PEX5: variants seen among roughly 807,000 people sequenced by gnomAD.
PEX5 encodes peroxisomal biogenesis factor 5.
Under a neutral mutation model 82.9 loss-of-function variants are expected in PEX5, and 52 were observed. The observed-to-expected ratio is 0.63, with a 90% CI of 0.50 to 0.79. The LOEUF (loss-of-function observed/expected upper bound fraction) is 0.79, where lower values mean the gene tolerates loss of function less well. Ranked by LOEUF, PEX5 falls within the 30% of genes least tolerant of loss-of-function variation. PEX5 has a pLI of 0.00. For missense variants in PEX5, 719 were observed against 815.2 expected (o/e 0.88, Z 1.44); for synonymous variants, 300 against 318.8 (o/e 0.94, Z 0.63).
Position 7,210,253 on chromosome 12 carries a change from A to C in PEX5, c.*30A>C, listed in dbSNP as rs778605817. On this transcript the variant is annotated 3_prime_UTR_variant, in exon 16 of 16. Coordinates refer to ENST00000675855, the MANE Select transcript of PEX5 (RefSeq NM_001351132.2). ...GGGACGGGCTGCCCTGTGAGTGTCC[A>C]CCTGGAGGGATCCCCGCTTTGGATG... The C allele has an allele frequency of 3.1e-6, 5 of 1,597,606 alleles. No individual in the cohort carries two copies. In the Admixed American group the frequency reaches 8.3e-5, roughly 27 times the overall value.
At chr12:7,205,676 C>A (rs1433615689) in intron 10 of PEX5, among the ~76,000 whole-genome samples, 1 of 152,152 alleles carries the variant, frequency 6.6e-6, no homozygotes, top group Non-Finnish European at 1.5e-5. Flanking sequence ...AGGGATCCCC[C>A]AGAGTACTCT....
rs1945500971 is a variant in PEX5 at position 7,210,970 on chromosome 12, CA to C, written c.*749del. Reference sequence around the variant, plus strand: ...GGGGAGGGACTAGATCAGAAGAGATCAAGGGCTCTATTCAGGAACGTTGGTG... The same window carrying C: ...GGGGAGGGACTAGATCAGAAGAGATCAGGGCTCTATTCAGGAACGTTGGTG... On this transcript the variant is annotated 3_prime_UTR_variant, in exon 16 of 16. Coordinates refer to ENST00000675855, the MANE Select transcript of PEX5 (RefSeq NM_001351132.2). The C allele has an allele frequency of 6.4e-6, 1 of 156,972 alleles. No homozygotes were observed. The highest frequency in any genetic ancestry group is 1.4e-5 in the Non-Finnish European group (1 of 70,604). 9.7% of individuals were successfully genotyped at this position (156,972 alleles called of 1,614,324 possible).
rs1057191 is a variant in PEX5, at chr12:7,208,549, C to A, written c.1274C>A (p.Thr425Asn). The change falls in exon 13 of 16, where the codon ACC (threonine) becomes AAC (asparagine). Residue 425 changes from threonine (T) to asparagine (N), a missense_variant. Thr to Asn is a moderately conservative substitution (Grantham distance 65). Transcript: ENST00000675855. ...NESLQRQACE[T>N]LRDWLRYTPA... ...TCCCTGCAGCGACAGGCCTGTGAAA[C>A]CCTACGAGACTGGCTGCGGTACACA... 6.2e-7 allele frequency: 1 copy of A among 1,614,134 alleles called. No individual in the cohort carries two copies. Among genetic ancestry groups the A allele is most frequent in the Non-Finnish European group, 8.5e-7 (1 of 1,179,980 alleles).
rs375272295 is a variant in PEX5 at position 7,209,857 on chromosome 12, A to G, written c.1718+17A>G. 5.9e-4 allele frequency: 949 copies of G among 1,613,962 alleles called. 2 individuals carry two copies. The highest frequency in any genetic ancestry group is 7.6e-4 in the Non-Finnish European group (897 of 1,179,940). On this transcript the variant is annotated intron_variant, in intron 15 of 15. Transcript: ENST00000675855. ...GGCTCACCGGTGAGAGTATCTATTG[A>G]GAAATGAATGAATGAGCTTTTTCTC...
rs2136263113 is a variant in PEX5 at position 7,210,047 on chromosome 12, G to T, written c.1744G>T (p.Ala582Ser). ...GGAGGCTGTGGAGCACTTTCTGGAG[G>T]CCCTGAACATGCAGAGGAAAAGCCG... The part of the protein sequence containing the change: ...HREAVEHFLE[A>S]LNMQRKSRGP... The change falls in exon 16 of 16, where the codon GCC becomes TCC. Residue 582 changes from alanine to serine, a missense_variant. By Grantham distance (99) the Ala-to-Ser change is moderately conservative. Transcript: ENST00000675855. The T allele has an allele frequency of 1.2e-6, 2 of 1,614,212 alleles. No homozygotes were observed. The highest frequency in any genetic ancestry group is 1.3e-5 in the African/African-American group (1 of 75,058).
intron 1 of PEX5, 150 bp from the exon 2 acceptor site, chr12:7,190,212 C>T: frequency 1.9e-6 from 3 of 1,571,660 alleles, no homozygotes; most frequent in East Asian, 2.3e-5. Context: ...GAACTCCTGG[C>T]AGAGGTGGGG....
At position 7,201,739 on chromosome 12, in the gene PEX5, TA is replaced by T. The variant is rs1944076383; in HGVS notation, c.552-11del. The T allele has an allele frequency of 6.2e-7, 1 of 1,601,206 alleles. No homozygotes were observed. The highest frequency in any genetic ancestry group is 1.7e-5 in the Admixed American group (1 of 59,984). The stretch of plus-strand genomic sequence containing the variant: ...CAGACTAATGTGTAAAATTAGTTCT[TA>T]CCCGTTCCAGGTATGATGAATATCA... On this transcript the variant is annotated splice_polypyrimidine_tract_variant and intron_variant, in intron 6 of 15. Transcript: ENST00000675855.
intron 3 of PEX5, 40 bp downstream of exon 3, chr12:7,190,963 G>A (rs1156543853): frequency 1.9e-6 from 3 of 1,587,706 alleles, no homozygotes; most frequent in Non-Finnish European, 2.6e-6. Context: ...TTTTTCTCTT[G>A]CCCACTGTGT....
intron 5 of PEX5, among the ~76,000 whole-genome samples, chr12:7,192,763 G>C (rs1208088057): frequency 6.6e-6 from 1 of 151,856 alleles, no homozygotes; most frequent in Non-Finnish European, 1.5e-5. Flanking sequence ...TTCTTTCTTC[G>C]TTTGCTACAG....
intron 14 of PEX5, 83 bp downstream of exon 14, chr12:7,209,253 T>C: frequency 7.3e-7 from 1 of 1,370,552 alleles, no homozygotes; most frequent in Non-Finnish European, 1.0e-6. Flanking sequence ...GGTTTGATGG[T>C]GCATGCCTGT....
intron 13 of PEX5, 97 bp downstream of exon 13, chr12:7,208,766 A>C: frequency 9.3e-7 from 1 of 1,076,538 alleles, no homozygotes; most frequent in South Asian, 1.3e-5. Context: ...ATTGAGACTG[A>C]AGGGTCCTGA....
rs756039747 is a variant in PEX5 at position 7,210,232 on chromosome 12, C to T, written c.*9C>T. 39 of 1,613,146 alleles carry T rather than the reference C, an allele frequency of 2.4e-5. 1 individual carries two copies. Among genetic ancestry groups the T allele is most frequent in the South Asian group, 7.7e-5 (7 of 91,078 alleles). ...TTGGCCTGCCCCAGTGACAGTGGGA[C>T]GGGCTGCCCTGTGAGTGTCCACCTG... On this transcript the variant is annotated 3_prime_UTR_variant, in exon 16 of 16. Transcript: ENST00000675855.
chr12:7,191,417 G>A lies in PEX5; in HGVS notation c.316+59G>A, dbSNP rs770930006. The A allele has an allele frequency of 8.5e-5, 137 of 1,610,994 alleles. No homozygotes were observed. The South Asian group carries it at 1.4e-3, about 17-fold the overall frequency. The stretch of plus-strand genomic sequence containing the variant: ...TTTCCATGTAGCCAGGGCCAAGGAA[G>A]GGGGTTCCATTGGATGCTGCTGGCA... On this transcript the variant is annotated intron_variant, in intron 4 of 15. Coordinates refer to ENST00000675855, the MANE Select transcript of PEX5 (RefSeq NM_001351132.2).
At chr12:7,218,051 A>G (rs958916781) in intron 17 of PEX5, among the ~76,000 whole-genome samples, 5 of 152,062 alleles carry the variant, frequency 3.3e-5, no homozygotes, top group African/African-American at 1.2e-4. Context: ...TATAAGTTCA[A>G]CCCTGAATCA....
chr12:7,214,037 C>CAGTT (rs1945706308), downstream of PEX5, among the ~76,000 whole-genome samples: 1 of 152,182 alleles, frequency 6.6e-6, no homozygotes, highest in Admixed American at 6.5e-5. Context: ...CATCTCACAC[C>CAGTT]AGTTAGAATG....
intron 5 of PEX5, among the ~76,000 whole-genome samples, chr12:7,195,807 C>G (rs994868735): frequency 1.3e-5 from 2 of 151,080 alleles, no homozygotes; most frequent in Admixed American, 1.3e-4. Flanking sequence ...AAGAATGGAA[C>G]TAAGGAACTA....
chr12:7,201,754 T>C lies in PEX5; in HGVS notation c.555T>C (p.Tyr185=). The stretch of plus-strand genomic sequence containing the variant: ...AATTAGTTCTTACCCGTTCCAGGTA[T>C]GATGAATATCATCCTGAGGAGGATC... ...EPEGTATDRW[Y]DEYHPEEDLQ... is the part of the protein sequence containing the mutation. Residue 185 remains tyrosine, a synonymous_variant, in exon 7 of 16, where the codon TAT becomes TAC. Transcript: ENST00000675855. 2.5e-6 allele frequency: 4 copies of C among 1,611,340 alleles called. No individual in the cohort carries two copies. In the South Asian group the frequency reaches 4.4e-5, roughly 18 times the overall value.
chr12:7,209,846 A>C lies in PEX5; in HGVS notation c.1718+6A>C, dbSNP rs764840661. 1.9e-6 allele frequency: 3 copies of C among 1,613,960 alleles called. No homozygotes were observed. Among genetic ancestry groups the C allele is most frequent in the African/African-American group, 1.3e-5 (1 of 74,898 alleles). ...ATCAACCTCGGGGCTCACCGGTGAG[A>C]GTATCTATTGAGAAATGAATGAATG... On this transcript the variant is annotated splice_donor_region_variant and intron_variant, in intron 15 of 15. Coordinates refer to ENST00000675855, the MANE Select transcript of PEX5 (RefSeq NM_001351132.2).
At chr12:7,200,136 G>A (rs1943571566) in intron 6 of PEX5, among the ~76,000 whole-genome samples, 1 of 151,154 alleles carries the variant, frequency 6.6e-6, no homozygotes, top group Non-Finnish European at 1.5e-5. Context: ...TCCCAGACGG[G>A]GCGGCTGCCG....
Sources: gnomAD v4.1 joint callset for allele counts (sites outside exome capture counted in the v4.1 genomes callset) on GRCh38, gnomAD v4.1.1 for gene constraint, MANE v1.5 for transcripts, NCBI Gene and HGNC (gene_info 2026-07-23, HGNC 2026-07-21) for gene names.